Variants in ANK3 observed in about 807,000 individuals in gnomAD.
ANK3 encodes ankyrin 3.
In ANK3, 57 loss-of-function variants were observed where a neutral mutation model predicts 370.9. The observed-to-expected ratio is 0.15, with a 90% CI of 0.12 to 0.19. ANK3 has a LOEUF of 0.19. Ranked by LOEUF, ANK3 falls within the 10% of genes least tolerant of loss-of-function variation. ANK3 has a pLI of 1.00. For synonymous variants in ANK3, 1,929 were observed against 1,946.3 expected (o/e 0.99, Z 0.23); for missense variants, 4,439 against 5,302.1 (o/e 0.84, Z 5.06).
intron 2 of ANK3, among the ~76,000 whole-genome samples, chr10:60,604,348 T>G (rs1343121698): frequency 2.6e-5 from 4 of 152,174 alleles, no homozygotes; most frequent in African/African-American, 7.2e-5. Flanking sequence ...GAGCTCACCT[T>G]TTAATGTAGC....
intron 38 of ANK3, among the ~76,000 whole-genome samples, chr10:60,066,626 T>A (rs547911465): frequency 1.2e-4 from 18 of 151,864 alleles, no homozygotes; most frequent in Non-Finnish European, 2.4e-4. Context: ...CTGAGGGCAT[T>A]CAAAGGAAAA....
chr10:60,305,358 A>C (rs564493069), intron 1 of ANK3, among the ~76,000 whole-genome samples: 1 of 151,978 alleles, frequency 6.6e-6, no homozygotes, highest in East Asian at 1.9e-4. Context: ...CAGCAACAAA[A>C]ACCAGAAAAT....
At chr10:60,673,498 C>T (rs1353590792) in intron 1 of ANK3, among the ~76,000 whole-genome samples, 4 of 151,980 alleles carry the variant, frequency 2.6e-5, no homozygotes, top group Non-Finnish European at 5.9e-5. Flanking sequence ...TTACAGGTGC[C>T]TGCCACCACA....
chr10:60,677,784 C>CAAA (rs752482255), intron 1 of ANK3, among the ~76,000 whole-genome samples: 24 of 99,300 alleles, frequency 2.4e-4, no homozygotes, highest in South Asian at 6.6e-4. Flanking sequence ...CTCAACTACC[C>CAAA]AAAAAAAAAA....
chr10:60,725,103 G>A (rs1449169309), intron 1 of ANK3, among the ~76,000 whole-genome samples: 1 of 152,136 alleles, frequency 6.6e-6, no homozygotes, highest in Non-Finnish European at 1.5e-5. Flanking sequence ...CTTACAAAAT[G>A]TGCACTGTGC....
intron 2 of ANK3, among the ~76,000 whole-genome samples, chr10:60,599,256 A>G (rs577383495): frequency 6.6e-6 from 1 of 152,244 alleles, no homozygotes; most frequent in East Asian, 1.9e-4. Context: ...TGACAGACTC[A>G]TCAGATGGTA....
intron 17 of ANK3, among the ~76,000 whole-genome samples, chr10:60,186,458 T>C (rs1360619873): frequency 6.6e-6 from 1 of 151,644 alleles, no homozygotes; most frequent in Non-Finnish European, 1.5e-5. Flanking sequence ...TCGAGCAGTC[T>C]ACCCGCCTTG....
chr10:60,064,730 G>C (rs1476850628), intron 38 of ANK3, among the ~76,000 whole-genome samples: 1 of 151,100 alleles, frequency 6.6e-6, no homozygotes, highest in Non-Finnish European at 1.5e-5. Context: ...TCCAGGTGTG[G>C]TGGCACATGC....
chr10:60,549,835 T>C (rs868430551), intron 2 of ANK3, among the ~76,000 whole-genome samples: 1 of 152,158 alleles, frequency 6.6e-6, no homozygotes, highest in Non-Finnish European at 1.5e-5. Flanking sequence ...TTCTGTGAAA[T>C]GGCTTTAATG....
intron 2 of ANK3, among the ~76,000 whole-genome samples, chr10:60,518,723 C>A (rs955738927): frequency 1.3e-5 from 2 of 152,166 alleles, no homozygotes; most frequent in Non-Finnish European, 2.9e-5. Flanking sequence ...TACACACTTA[C>A]TAATTAACTT....
At chr10:60,428,468 T>C (rs1382214092) in intron 2 of ANK3, among the ~76,000 whole-genome samples, 1 of 152,192 alleles carries the variant, frequency 6.6e-6, no homozygotes, top group Non-Finnish European at 1.5e-5. Context: ...CCCTTACAAT[T>C]TCCTATTGTT....
At chr10:60,721,374 G>C (rs564854033) in intron 1 of ANK3, among the ~76,000 whole-genome samples, 4 of 152,130 alleles carry the variant, frequency 2.6e-5, no homozygotes, top group African/African-American at 7.2e-5. Flanking sequence ...TTAAAGAAAG[G>C]TTGAAAAAAT....
intron 7 of ANK3, among the ~76,000 whole-genome samples, chr10:60,259,986 T>G (rs1330751091): frequency 6.6e-6 from 1 of 152,186 alleles, no homozygotes; most frequent in African/African-American, 2.4e-5. Flanking sequence ...AAATTGTGAA[T>G]AAAACTGACT....
At chr10:60,488,911 T>A (rs1241475493) in intron 2 of ANK3, among the ~76,000 whole-genome samples, 2 of 152,272 alleles carry the variant, frequency 1.3e-5, no homozygotes, top group African/African-American at 2.4e-5. Context: ...TTATTTGCTA[T>A]GATTTGACAT....
intron 2 of ANK3, among the ~76,000 whole-genome samples, chr10:60,527,116 T>C (rs938277365): frequency 6.6e-6 from 1 of 152,142 alleles, no homozygotes; most frequent in Admixed American, 6.6e-5. Flanking sequence ...AAAGAAATTG[T>C]AGAAAACAAA....
At chr10:60,204,797 C>T (rs1346895933) in intron 11 of ANK3, among the ~76,000 whole-genome samples, 1 of 151,988 alleles carries the variant, frequency 6.6e-6, no homozygotes, top group African/African-American at 2.4e-5. Context: ...TGGATAAGGG[C>T]TTTGATGGAA....
At chr10:60,076,728 CAATG>C (rs1201084153) in intron 36 of ANK3, among the ~76,000 whole-genome samples, 2 of 151,564 alleles carry the variant, frequency 1.3e-5, no homozygotes, top group Admixed American at 1.3e-4. Flanking sequence ...AAGAGGCAAA[CAATG>C]AAAAATAGAA....
intron 6 of ANK3, among the ~76,000 whole-genome samples, chr10:60,263,436 C>T (rs768310051): frequency 1.5e-4 from 23 of 152,328 alleles, no homozygotes; most frequent in Non-Finnish European, 2.4e-4. Flanking sequence ...AGCTGATCTA[C>T]GCTCAGTGCC....
chr10:60,532,259 C>T (rs1052512027), intron 2 of ANK3, among the ~76,000 whole-genome samples: 5 of 152,064 alleles, frequency 3.3e-5, no homozygotes, highest in African/African-American at 1.2e-4. Flanking sequence ...TATGTGTGGC[C>T]ATCTTTGTGC....
Sources: allele counts gnomAD v4.1 joint callset (sites outside exome capture counted in the v4.1 genomes callset), GRCh38; gene constraint gnomAD v4.1.1; transcripts MANE v1.5; gene names NCBI Gene and HGNC (gene_info 2026-07-23, HGNC 2026-07-21).